Variants in NCAM2 observed in about 807,000 individuals in gnomAD.
The protein encoded by NCAM2 is neural cell adhesion molecule 2.
A neutral mutation model predicts 98.1 loss-of-function variants in NCAM2; 30 were observed. That is an observed-to-expected ratio of 0.31 (90% CI 0.23 to 0.41). NCAM2 has a LOEUF of 0.41. NCAM2 is among the 10% of genes least tolerant of loss of function. The pLI is 1.00. For missense variants in NCAM2, 867 were observed against 1,005.8 expected (o/e 0.86, Z 1.87); for synonymous variants, 368 against 342.4 (o/e 1.07, Z -0.83).
intron 1 of NCAM2, among the ~76,000 whole-genome samples, chr21:21,244,451 G>C (rs570159114): frequency 1.3e-5 from 2 of 151,986 alleles, no homozygotes; most frequent in African/African-American, 2.4e-5. Flanking sequence ...TTTTGTTATC[G>C]ATAATACGAA....
intron 11 of NCAM2, 29 bp from the exon 12 acceptor site, chr21:21,432,079 A>G (rs2077357622): frequency 1.2e-6 from 2 of 1,600,536 alleles, no homozygotes; most frequent in Non-Finnish European, 1.7e-6. Flanking sequence ...TCCCTTGGTT[A>G]TGTTTTCTTT....
chr21:21,164,093 G>A (rs1428453073), intron 1 of NCAM2, among the ~76,000 whole-genome samples: 1 of 152,174 alleles, frequency 6.6e-6, no homozygotes, highest in African/African-American at 2.4e-5. Flanking sequence ...CTGGACAGCT[G>A]CCACCAGGTG....
At chr21:21,303,138 C>A (rs2073774953) in intron 5 of NCAM2, among the ~76,000 whole-genome samples, 1 of 151,656 alleles carries the variant, frequency 6.6e-6, no homozygotes, top group Admixed American at 6.6e-5. Context: ...TGAAGAACGA[C>A]CTTTTGGGTA....
intron 12 of NCAM2, among the ~76,000 whole-genome samples, chr21:21,446,117 C>G (rs1270174892): frequency 1.3e-5 from 2 of 152,068 alleles, no homozygotes; most frequent in Non-Finnish European, 2.9e-5. Flanking sequence ...GTATGAAATT[C>G]TGCATTGAAA....
At chr21:21,456,108 G>T (rs960170064) in intron 12 of NCAM2, among the ~76,000 whole-genome samples, 5 of 152,126 alleles carry the variant, frequency 3.3e-5, no homozygotes, top group African/African-American at 1.2e-4. Flanking sequence ...GATTTGGTAT[G>T]TTCCATAGTA....
chr21:21,349,433 T>C (rs989366666), intron 8 of NCAM2, among the ~76,000 whole-genome samples: 1 of 152,058 alleles, frequency 6.6e-6, no homozygotes. Context: ...CAATAAGAAA[T>C]GCTGACAAGG....
intron 17 of NCAM2, among the ~76,000 whole-genome samples, chr21:21,537,593 T>G (rs2146437373): frequency 6.6e-6 from 1 of 151,898 alleles, no homozygotes; most frequent in East Asian, 1.9e-4. Context: ...CATTACATTT[T>G]TAAAAGGCCA....
At chr21:21,085,980 G>T (rs1474172420) in intron 1 of NCAM2, among the ~76,000 whole-genome samples, 2 of 152,128 alleles carry the variant, frequency 1.3e-5, no homozygotes, top group African/African-American at 2.4e-5. Flanking sequence ...AAGTCTTTCA[G>T]ATTTAACTTA....
At chr21:21,063,519 A>G (rs371174597) in intron 1 of NCAM2, among the ~76,000 whole-genome samples, 17 of 152,014 alleles carry the variant, frequency 1.1e-4, no homozygotes, top group African/African-American at 4.1e-4. Context: ...CCGTGCCTGG[A>G]CACGTTACAT....
intron 1 of NCAM2, among the ~76,000 whole-genome samples, chr21:21,061,767 A>G (rs2065328502): frequency 6.6e-6 from 1 of 152,136 alleles, no homozygotes; most frequent in South Asian, 2.1e-4. Flanking sequence ...CATCCTTTAT[A>G]GGGGCTTTTA....
intron 1 of NCAM2, among the ~76,000 whole-genome samples, chr21:21,034,806 A>G (rs2064764825): frequency 6.6e-6 from 1 of 151,342 alleles, no homozygotes; most frequent in Non-Finnish European, 1.5e-5. Context: ...AGTTCAATTT[A>G]TTTGTGAAAC....
In NCAM2 at chr21:21,184,794, G is replaced by A. The variant is rs73334357; in HGVS notation, c.56-95784G>A. On this transcript the variant is annotated intron_variant, in intron 1 of 17. Transcript: ENST00000400546. ...AGTGAACCTCTAATGAAATGAATCA[G>A]CATTGAAAACCCTAGGCTATTTCTA... 9.5e-3 allele frequency among the ~76,000 whole-genome samples: 1,440 copies of A among 152,170 alleles called. 27 individuals are homozygous for A. The highest frequency in any genetic ancestry group is 0.034 in the African/African-American group (1,391 of 41,518).
chr21:21,300,216 G>A (rs1471226509), intron 5 of NCAM2, among the ~76,000 whole-genome samples: 1 of 151,938 alleles, frequency 6.6e-6, no homozygotes, highest in Non-Finnish European at 1.5e-5. Context: ...AGACCTGTGA[G>A]AGACAATCCC....
chr21:21,053,576 CAT>C, intron 1 of NCAM2, among the ~76,000 whole-genome samples: 1 of 151,134 alleles, frequency 6.6e-6, no homozygotes, highest in South Asian at 2.1e-4. Flanking sequence ...CATTTATTTA[CAT>C]ATATATTATA....
chr21:21,084,772 C>CTGATA (rs2065875934), intron 1 of NCAM2, among the ~76,000 whole-genome samples: 1 of 152,084 alleles, frequency 6.6e-6, no homozygotes, highest in South Asian at 2.1e-4. Flanking sequence ...TCTTGTAAGG[C>CTGATA]ACTGATAATG....
At chr21:21,387,773 A>G (rs2076300659) in intron 9 of NCAM2, among the ~76,000 whole-genome samples, 3 of 152,240 alleles carry the variant, frequency 2.0e-5, no homozygotes, top group African/African-American at 4.8e-5. Flanking sequence ...TTTAGTGTAT[A>G]GAATTGAATA....
At chr21:21,275,867 T>G (rs1285502454) in intron 1 of NCAM2, among the ~76,000 whole-genome samples, 1 of 152,210 alleles carries the variant, frequency 6.6e-6, no homozygotes, top group Admixed American at 6.5e-5. Context: ...TTTTATCATG[T>G]ATGTTTTTAT....
chr21:21,314,931 T>C (rs1455973802), intron 5 of NCAM2, among the ~76,000 whole-genome samples: 1 of 152,232 alleles, frequency 6.6e-6, no homozygotes, highest in Non-Finnish European at 1.5e-5. Context: ...ATCCAACATG[T>C]GTCAGCATGC....
At chr21:21,049,423 C>A (rs898565685) in intron 1 of NCAM2, among the ~76,000 whole-genome samples, 3 of 152,046 alleles carry the variant, frequency 2.0e-5, no homozygotes, top group Admixed American at 6.6e-5. Context: ...ATGTTTGATT[C>A]TTTTTAATAG....
Sources: allele counts gnomAD v4.1 joint callset (sites outside exome capture counted in the v4.1 genomes callset), GRCh38; gene constraint gnomAD v4.1.1; transcripts MANE v1.5; gene names NCBI Gene and HGNC (gene_info 2026-07-23, HGNC 2026-07-21).